Variants in ADAMTS2 observed in about 807,000 individuals in gnomAD.
The protein encoded by ADAMTS2 is ADAM metallopeptidase with thrombospondin type 1 motif 2, also known as A disintegrin and metalloproteinase with thrombospondin motifs 2.
ADAMTS2 carries 50 observed loss-of-function variants against 123.0 expected under a neutral mutation model. That is an observed-to-expected ratio of 0.41 (90% CI 0.32 to 0.51). ADAMTS2 has a LOEUF of 0.51. Among genes scored for constraint, ADAMTS2 ranks in the 20% least tolerant of loss-of-function variants. The probability of loss-of-function intolerance (pLI) is 0.35; values close to 1 mark genes in which losing one functional copy is unlikely to be tolerated. For missense variants in ADAMTS2, 1,494 were observed against 1,705.2 expected (o/e 0.88, Z 2.18); for synonymous variants, 678 against 695.4 (o/e 0.98, Z 0.39).
intron 2 of ADAMTS2, among the ~76,000 whole-genome samples, chr5:179,310,970 C>G (rs1348759904): frequency 3.3e-5 from 5 of 152,054 alleles, no homozygotes; most frequent in Non-Finnish European, 7.4e-5. Context: ...CCGGCTGGGT[C>G]CTCTGGACCT....
intron 2 of ADAMTS2, among the ~76,000 whole-genome samples, chr5:179,283,562 A>AAAAAAAAAAAAAAC (rs1755894444): frequency 6.6e-6 from 1 of 150,842 alleles, no homozygotes; most frequent in Non-Finnish European, 1.5e-5. Flanking sequence ...AAAAAAAAAA[A>AAAAAAAAAAAAAAC]AAAAAAAATC....
At position 179,203,839 on chromosome 5, in the gene ADAMTS2, C is replaced by T. The variant is rs1209522058; in HGVS notation, c.891+3674G>A. ...AATTAAAGAAAGAATTACCCTGTGT[C>T]CCGCAATTCTACTTATGGGCATATA... On this transcript the variant is annotated intron_variant, in intron 4 of 21. Transcript: ENST00000251582. 4.6e-5 allele frequency among the ~76,000 whole-genome samples: 7 copies of T among 152,186 alleles called. No homozygotes were observed. In the South Asian group the frequency reaches 1.0e-3, roughly 22 times the overall value.
chr5:179,342,566 G>A (rs1033578582), intron 2 of ADAMTS2, among the ~76,000 whole-genome samples: 26 of 152,264 alleles, frequency 1.7e-4, no homozygotes, highest in African/African-American at 5.3e-4. Context: ...CGGCTCTGCA[G>A]ACTGTAGGAT....
In ADAMTS2 at chr5:179,155,800, C is replaced by G. The variant is rs974543293; in HGVS notation, c.1133-881G>C. Among the ~76,000 whole-genome samples the G allele has an allele frequency of 6.6e-5, 10 of 152,124 alleles. No homozygotes were observed. Among genetic ancestry groups the G allele is most frequent in the African/African-American group, 2.4e-4 (10 of 41,432 alleles). ...GGAGTCTTCCTAGAGGCCTGCCAAG[C>G]ATGGAGCCCTGACTTTCAGAACCCC... On this transcript the variant is annotated intron_variant, in intron 6 of 21. Transcript: ENST00000251582. The surrounding 1 kb of genome is among the most constrained non-coding windows in gnomAD (Gnocchi z 5.1).
At chr5:179,278,684 A>T (rs1766809164) in intron 2 of ADAMTS2, among the ~76,000 whole-genome samples, 1 of 151,920 alleles carries the variant, frequency 6.6e-6, no homozygotes, top group Non-Finnish European at 1.5e-5. Flanking sequence ...TGGCAAACCC[A>T]GCCAGGTTCT....
chr5:179,269,034 G>A (rs964879672), intron 3 of ADAMTS2, among the ~76,000 whole-genome samples: 1 of 152,154 alleles, frequency 6.6e-6, no homozygotes, highest in African/African-American at 2.4e-5. Context: ...GGATTACTCG[G>A]GTGAGTCCTA....
At chr5:179,301,153 GAA>G (rs60799579) in intron 2 of ADAMTS2, among the ~76,000 whole-genome samples, 47 of 122,798 alleles carry the variant, frequency 3.8e-4, no homozygotes, top group African/African-American at 6.4e-4. Context: ...TGTCCCCCAG[GAA>G]AAAAAAAAAA....
intron 3 of ADAMTS2, among the ~76,000 whole-genome samples, chr5:179,247,576 T>C (rs1026038722): frequency 5.9e-5 from 9 of 152,176 alleles, no homozygotes; most frequent in Non-Finnish European, 1.0e-4. Context: ...CAAGATACAT[T>C]GTAATCAAAT....
At position 179,272,598 on chromosome 5, in the gene ADAMTS2, T is replaced by A. The variant is rs183337844; in HGVS notation, c.688+313A>T. Among the ~76,000 whole-genome samples the A allele has an allele frequency of 1.1e-4, 16 of 152,246 alleles. No homozygotes were observed. The East Asian group carries it at 3.1e-3, about 30-fold the overall frequency. On this transcript the variant is annotated intron_variant, in intron 3 of 21. Coordinates refer to ENST00000251582, the MANE Select transcript of ADAMTS2 (RefSeq NM_014244.5). The surrounding 1 kb of genome is among the most constrained non-coding windows in gnomAD (Gnocchi z 5.8). ...CCCGCCCCGCTCCACGACACTTGCT[T>A]GCCTTTAGGCAACAGAAGATGGGCC...
chr5:179,258,987 C>T (rs886631408), intron 3 of ADAMTS2, among the ~76,000 whole-genome samples: 1 of 152,200 alleles, frequency 6.6e-6, no homozygotes, highest in African/African-American at 2.4e-5. Context: ...AGGCCGCAGT[C>T]TCTCCCTGCA....
chr5:179,188,654 A>T lies in ADAMTS2; in HGVS notation c.892-7499T>A, dbSNP rs2113329742. On this transcript the variant is annotated intron_variant, in intron 4 of 21. Transcript: ENST00000251582. This position sits in a 1 kb window ranked among gnomAD's most constrained non-coding sequence, Gnocchi z 5.1. Reference sequence around the variant, plus strand: ...TTACTAGGCTCAGTTCATACATCAAAAAGTGAGGTGGTCAGAGTCCCCTCC... The same window carrying T: ...TTACTAGGCTCAGTTCATACATCAATAAGTGAGGTGGTCAGAGTCCCCTCC... 6.6e-6 allele frequency among the ~76,000 whole-genome samples: 1 copy of T among 152,258 alleles called. No homozygotes were observed. The highest frequency in any genetic ancestry group is 2.1e-4 in the South Asian group (1 of 4,818).
intron 2 of ADAMTS2, among the ~76,000 whole-genome samples, chr5:179,342,083 C>T (rs1757790747): frequency 6.6e-6 from 1 of 152,220 alleles, no homozygotes; most frequent in Non-Finnish European, 1.5e-5. Flanking sequence ...CCAGACCTGC[C>T]TCATTGCTGA....
intron 3 of ADAMTS2, among the ~76,000 whole-genome samples, chr5:179,210,997 G>A (rs1764839135): frequency 6.6e-6 from 1 of 152,252 alleles, no homozygotes; most frequent in African/African-American, 2.4e-5. Context: ...AGGGAGCTCT[G>A]GCCAGTGGGC....
At chr5:179,122,386 T>G (rs1762778881) in intron 20 of ADAMTS2, among the ~76,000 whole-genome samples, 1 of 152,086 alleles carries the variant, frequency 6.6e-6, no homozygotes, top group Non-Finnish European at 1.5e-5. Context: ...ATTCCCTAGC[T>G]GGCCGAGTCC....
chr5:179,170,080 A>G lies in ADAMTS2; in HGVS notation c.975+10992T>C, dbSNP rs1763784749. On this transcript the variant is annotated intron_variant, in intron 5 of 21. Coordinates refer to ENST00000251582, the MANE Select transcript of ADAMTS2 (RefSeq NM_014244.5). This position sits in a 1 kb window ranked among gnomAD's most constrained non-coding sequence, Gnocchi z 4.3. ...TGCTCTGCTCCCTGGCTGGTGGTAT[A>G]TTGTATAAAATAAGATCATCTCTTT... is the stretch of plus-strand genomic sequence containing the variant. 6.6e-6 allele frequency among the ~76,000 whole-genome samples: 1 copy of G among 152,172 alleles called. No individual in the cohort carries two copies. Among genetic ancestry groups the G allele is most frequent in the Non-Finnish European group, 1.5e-5 (1 of 68,018 alleles).
chr5:179,308,724 G>A lies in ADAMTS2; in HGVS notation c.534+35043C>T, dbSNP rs77880884. ...GTCCCAGCAGATGAATCTGGCTGGCGTCCTGAGTGGAAGCAGGGCGCGGGC... is the reference window on the plus strand; with the variant it reads ...GTCCCAGCAGATGAATCTGGCTGGCATCCTGAGTGGAAGCAGGGCGCGGGC... On this transcript the variant is annotated intron_variant, in intron 2 of 21. Transcript: ENST00000251582. This position sits in a 1 kb window ranked among gnomAD's most constrained non-coding sequence, Gnocchi z 6.6. 5.3e-5 allele frequency among the ~76,000 whole-genome samples: 8 copies of A among 152,286 alleles called. No individual in the cohort carries two copies. Among genetic ancestry groups the A allele is most frequent in the South Asian group, 4.1e-4 (2 of 4,832 alleles).
chr5:179,122,497 C>G, intron 20 of ADAMTS2, 147 bp downstream of exon 20: 1 of 1,224,318 alleles, frequency 8.2e-7, no homozygotes, highest in East Asian at 2.6e-5. Flanking sequence ...CCAGACCTGG[C>G]CTGCAGTGCC....
intron 2 of ADAMTS2, among the ~76,000 whole-genome samples, chr5:179,310,219 G>A (rs999587464): frequency 6.6e-6 from 1 of 152,242 alleles, no homozygotes; most frequent in Admixed American, 6.5e-5. Context: ...GCCTGTGGAC[G>A]GCCCTCCTCC....
chr5:179,272,959 G>A lies in ADAMTS2; in HGVS notation c.640C>T (p.Arg214Trp), dbSNP rs144732073. Residue 214 changes from arginine (R) to tryptophan (W), a missense_variant, in exon 3 of 22, where the codon CGG (arginine) becomes TGG (tryptophan). By Grantham distance (101) the Arg-to-Trp change is moderately radical. Coordinates refer to ENST00000251582, the MANE Select transcript of ADAMTS2 (RefSeq NM_014244.5). This position sits in a 1 kb window ranked among gnomAD's most constrained non-coding sequence, Gnocchi z 5.8. ...CCGAGAGGAGGGGACGTGGGTGGCC[G>A]GCGATACACCACATGCACACGGCCT... ...EQGRVHVVYRRPPTSPPLGGP... is the reference protein window; with the variant it reads ...EQGRVHVVYRWPPTSPPLGGP... The A allele has an allele frequency of 1.2e-5, 20 of 1,612,252 alleles. No homozygotes were observed. Among genetic ancestry groups the A allele is most frequent in the South Asian group, 2.2e-5 (2 of 91,066 alleles).
Sources: allele counts gnomAD v4.1 joint callset (sites outside exome capture counted in the v4.1 genomes callset), GRCh38; gene constraint gnomAD v4.1.1; non-coding constraint Gnocchi (gnomAD v3.1); transcripts MANE v1.5; gene names NCBI Gene and HGNC (gene_info 2026-07-23, HGNC 2026-07-21).